Variants in HS3ST3A1 observed in about 807,000 individuals in gnomAD.
HS3ST3A1 encodes the protein heparan sulfate glucosamine 3-O-sulfotransferase 3A1.
In HS3ST3A1, 19 loss-of-function variants were observed where a neutral mutation model predicts 25.7. That is an observed-to-expected ratio of 0.74 (90% CI 0.52 to 1.08). The LOEUF (loss-of-function observed/expected upper bound fraction) is 1.08, where lower values mean the gene tolerates loss of function less well. Ranked by LOEUF, HS3ST3A1 falls within the 50% of genes least tolerant of loss-of-function variation. The pLI is 0.00. For synonymous variants in HS3ST3A1, 226 were observed against 278.6 expected (o/e 0.81, Z 1.88); for missense variants, 459 against 594.3 (o/e 0.77, Z 2.37).
intron 1 of HS3ST3A1, among the ~76,000 whole-genome samples, chr17:13,577,867 G>GGTGT (rs202098377): frequency 0.021 from 3,120 of 151,166 alleles, 137 homozygotes; most frequent in East Asian, 0.17. Flanking sequence ...AGCAGTTTCT[G>GGTGT]GTGTGTGTGT....
At chr17:13,516,966 G>A (rs1024509434) in intron 1 of HS3ST3A1, among the ~76,000 whole-genome samples, 3 of 152,096 alleles carry the variant, frequency 2.0e-5, no homozygotes, top group Non-Finnish European at 4.4e-5. Context: ...GATTACAGGC[G>A]TGAGCCACTG....
Position 13,600,613 on chromosome 17 carries a change from G to T in HS3ST3A1, c.517C>A (p.Arg173Ser), listed in dbSNP as rs768809737. The T allele has an allele frequency of 6.3e-6, 10 of 1,599,004 alleles. No individual in the cohort carries two copies. In the African/African-American group the frequency reaches 6.7e-5, roughly 11 times the overall value. ...ACGGCGCGCACGTCGGGGTGCACGC[G>T]CAGGAACTCCAGCAGCGCCCGCGTG... is the stretch of plus-strand genomic sequence containing the variant. Reference protein sequence around the residue: ...GGTRALLEFLRVHPDVRAVGA... With the variant: ...GGTRALLEFLSVHPDVRAVGA... The change falls in exon 1 of 2, where the codon CGC (arginine) becomes AGC (serine). Residue 173 changes from arginine (R) to serine (S), a missense_variant. Arg to Ser is a moderately radical substitution (Grantham distance 110). Transcript: ENST00000284110.
At chr17:13,526,352 C>A (rs941789045) in intron 1 of HS3ST3A1, among the ~76,000 whole-genome samples, 9 of 151,036 alleles carry the variant, frequency 6.0e-5, no homozygotes, top group African/African-American at 2.2e-4. Context: ...TTTTCCGTTA[C>A]TGACAGTGCT....
chr17:13,565,737 C>T (rs1907660821), intron 1 of HS3ST3A1, among the ~76,000 whole-genome samples: 1 of 152,130 alleles, frequency 6.6e-6, no homozygotes, highest in Admixed American at 6.6e-5. Flanking sequence ...TTTAGTACAT[C>T]TTGTTTTCCT....
chr17:13,523,652 G>T (rs1035312507), intron 1 of HS3ST3A1, among the ~76,000 whole-genome samples: 1 of 152,098 alleles, frequency 6.6e-6, no homozygotes, highest in Non-Finnish European at 1.5e-5. Flanking sequence ...GTTTTACACG[G>T]AAAAATCTCC....
In HS3ST3A1 at chr17:13,601,285, G is replaced by A; in HGVS notation, c.-156C>T. ...CGAACTGTCCCGGGAGGCAGCGGCC[G>A]GGGCTCCGCGGGGAAACGGAATCCC... is the stretch of plus-strand genomic sequence containing the variant. On this transcript the variant is annotated 5_prime_UTR_variant, in exon 1 of 2. Coordinates refer to ENST00000284110, the MANE Select transcript of HS3ST3A1 (RefSeq NM_006042.3). The A allele has an allele frequency of 1.8e-6, 1 of 545,720 alleles. No individual in the cohort carries two copies. The allele number at this position is 545,720 out of a possible 1,614,324, so 33.8% of individuals were successfully genotyped here.
At chr17:13,536,637 A>G (rs1489495009) in intron 1 of HS3ST3A1, among the ~76,000 whole-genome samples, 1 of 152,208 alleles carries the variant, frequency 6.6e-6, no homozygotes, top group Non-Finnish European at 1.5e-5. Context: ...AAAGCTGCTG[A>G]TCACTTCCAG....
At chr17:13,532,906 TACACAC>T (rs372721576) in intron 1 of HS3ST3A1, among the ~76,000 whole-genome samples, 20 of 146,698 alleles carry the variant, frequency 1.4e-4, no homozygotes, top group African/African-American at 4.2e-4. Flanking sequence ...TATGTTTATA[TACACAC>T]ACACACACAC....
At chr17:13,508,129 A>G (rs1182512022) in intron 1 of HS3ST3A1, among the ~76,000 whole-genome samples, 1 of 152,208 alleles carries the variant, frequency 6.6e-6, no homozygotes, top group East Asian at 1.9e-4. Context: ...TAAGCTAAAC[A>G]TCAGGGTTAG....
chr17:13,502,030 A>G (rs1905493963), intron 1 of HS3ST3A1, among the ~76,000 whole-genome samples: 1 of 152,264 alleles, frequency 6.6e-6, no homozygotes, highest in Non-Finnish European at 1.5e-5. Flanking sequence ...CAGTTGTGCC[A>G]GGAAGGAAAC....
At chr17:13,551,243 G>A (rs1354600288) in intron 1 of HS3ST3A1, among the ~76,000 whole-genome samples, 1 of 151,390 alleles carries the variant, frequency 6.6e-6, no homozygotes, top group Non-Finnish European at 1.5e-5. Flanking sequence ...CAGCTACTTG[G>A]GAGGCTGAGG....
chr17:13,541,232 G>C (rs1906922385), intron 1 of HS3ST3A1, among the ~76,000 whole-genome samples: 1 of 152,148 alleles, frequency 6.6e-6, no homozygotes, highest in Admixed American at 6.5e-5. Flanking sequence ...AAAAATTCCA[G>C]CCATAAAGTT....
intron 1 of HS3ST3A1, among the ~76,000 whole-genome samples, chr17:13,541,284 G>A (rs912268921): frequency 7.9e-5 from 12 of 152,224 alleles, no homozygotes; most frequent in Admixed American, 4.6e-4. Context: ...AAGTGCCAGA[G>A]TGATTCACTG....
At chr17:13,597,068 A>G (rs1319090040) in intron 1 of HS3ST3A1, among the ~76,000 whole-genome samples, 1 of 152,136 alleles carries the variant, frequency 6.6e-6, no homozygotes, top group African/African-American at 2.4e-5. Context: ...TCTCTGCTGA[A>G]ATTGTCCAGA....
intron 1 of HS3ST3A1, among the ~76,000 whole-genome samples, chr17:13,538,770 C>G (rs781279461): frequency 6.6e-6 from 1 of 152,012 alleles, no homozygotes; most frequent in Non-Finnish European, 1.5e-5. Context: ...TCAGGGGACA[C>G]GAAAGCAGGA....
intron 1 of HS3ST3A1, among the ~76,000 whole-genome samples, chr17:13,534,208 A>T (rs1273617290): frequency 6.6e-6 from 1 of 152,168 alleles, no homozygotes; most frequent in African/African-American, 2.4e-5. Context: ...TGTCTAACTT[A>T]CAGTGTTACT....
intron 1 of HS3ST3A1, among the ~76,000 whole-genome samples, chr17:13,581,773 G>T (rs147248231): frequency 2.6e-5 from 4 of 152,184 alleles, no homozygotes; most frequent in Non-Finnish European, 5.9e-5. Context: ...TATCAGATAA[G>T]TATTGGGCTA....
At chr17:13,572,728 G>A (rs1907851018) in intron 1 of HS3ST3A1, among the ~76,000 whole-genome samples, 1 of 152,208 alleles carries the variant, frequency 6.6e-6, no homozygotes, top group Non-Finnish European at 1.5e-5. Context: ...TAAGTAGACG[G>A]GGAATTCAAC....
chr17:13,591,942 A>AG (rs1908438135), intron 1 of HS3ST3A1, among the ~76,000 whole-genome samples: 1 of 151,984 alleles, frequency 6.6e-6, no homozygotes, highest in Non-Finnish European at 1.5e-5. Context: ...TTCCAGGCAT[A>AG]AGCCACCACA....
Sources: allele counts gnomAD v4.1 joint callset (sites outside exome capture counted in the v4.1 genomes callset), GRCh38; gene constraint gnomAD v4.1.1; transcripts MANE v1.5; gene names NCBI Gene and HGNC (gene_info 2026-07-23, HGNC 2026-07-21).